The following CCSER1 variants were observed in gnomAD, a reference collection of about 807,000 sequenced individuals.
The protein encoded by CCSER1 is coiled-coil serine rich protein 1, also known as serine-rich coiled-coil domain-containing protein 1.
Under a neutral mutation model 82.0 loss-of-function variants are expected in CCSER1, and 41 were observed. The observed-to-expected ratio is 0.50, with a 90% CI of 0.39 to 0.65. The LOEUF (loss-of-function observed/expected upper bound fraction) is 0.65, where lower values mean the gene tolerates loss of function less well. CCSER1 is among the 30% of genes least tolerant of loss of function. CCSER1 has a pLI of 0.00. For synonymous variants in CCSER1, 414 were observed against 383.9 expected (o/e 1.08, Z -0.92); for missense variants, 1,119 against 1,064.2 (o/e 1.05, Z -0.72).
intron 9 of CCSER1, among the ~76,000 whole-genome samples, chr4:90,988,776 G>C (rs554371549): frequency 6.6e-6 from 1 of 151,550 alleles, no homozygotes; most frequent in African/African-American, 2.4e-5. Context: ...CTTATTTTAA[G>C]CTTTGATAAT....
At chr4:90,574,607 A>G (rs1780526007) in intron 5 of CCSER1, among the ~76,000 whole-genome samples, 1 of 151,974 alleles carries the variant, frequency 6.6e-6, no homozygotes, top group Admixed American at 6.6e-5. Context: ...GTAGGGTGTT[A>G]TCAGCATTGT....
At chr4:90,402,874 G>A (rs1753087748) in intron 4 of CCSER1, among the ~76,000 whole-genome samples, 1 of 152,126 alleles carries the variant, frequency 6.6e-6, no homozygotes, top group Non-Finnish European at 1.5e-5. Context: ...TGAATCTCTT[G>A]AGTCTACTTT....
At chr4:91,292,819 G>A (rs1401981671) in intron 10 of CCSER1, among the ~76,000 whole-genome samples, 1 of 151,908 alleles carries the variant, frequency 6.6e-6, no homozygotes, top group Non-Finnish European at 1.5e-5. Flanking sequence ...TGGAAATGAA[G>A]GTATTGGTTA....
chr4:90,516,037 A>G (rs1772214434), intron 5 of CCSER1, among the ~76,000 whole-genome samples: 1 of 152,216 alleles, frequency 6.6e-6, no homozygotes, highest in Non-Finnish European at 1.5e-5. Flanking sequence ...AAACAGAAAT[A>G]TAATTTGCAC....
chr4:90,724,094 T>C, intron 7 of CCSER1, 103 bp downstream of exon 7: 1 of 617,074 alleles, frequency 1.6e-6, no homozygotes. Flanking sequence ...TGCTTTAATC[T>C]TCAAGGGTCT....
At chr4:90,538,668 G>C (rs535571880) in intron 5 of CCSER1, among the ~76,000 whole-genome samples, 2 of 151,932 alleles carry the variant, frequency 1.3e-5, no homozygotes, top group South Asian at 4.2e-4. Context: ...TAATATTCTA[G>C]CATGTTTATA....
chr4:90,229,507 T>C (rs558435626), intron 1 of CCSER1, among the ~76,000 whole-genome samples: 1 of 152,250 alleles, frequency 6.6e-6, no homozygotes, highest in South Asian at 2.1e-4. Context: ...TACCAGCCGC[T>C]GCAAAATCAT....
intron 5 of CCSER1, among the ~76,000 whole-genome samples, chr4:90,482,504 C>T (rs1466214134): frequency 6.6e-6 from 1 of 152,150 alleles, no homozygotes; most frequent in African/African-American, 2.4e-5. Flanking sequence ...CTCTTGTGGG[C>T]ATTTAGTGCT....
intron 1 of CCSER1, among the ~76,000 whole-genome samples, chr4:90,156,659 G>A (rs1728259182): frequency 6.6e-6 from 1 of 151,968 alleles, no homozygotes; most frequent in Non-Finnish European, 1.5e-5. Context: ...ATCTTTGTTG[G>A]TTTAAAGTCT....
chr4:90,160,450 A>G (rs769865540), intron 1 of CCSER1, among the ~76,000 whole-genome samples: 1 of 152,214 alleles, frequency 6.6e-6, no homozygotes, highest in Non-Finnish European at 1.5e-5. Flanking sequence ...GAGGACTATC[A>G]GGAGATTTCA....
intron 1 of CCSER1, among the ~76,000 whole-genome samples, chr4:90,225,231 ATTTTTTTTTTTTTT>A (rs57188209): frequency 5.5e-4 from 62 of 111,870 alleles, no homozygotes; most frequent in Non-Finnish European, 1.0e-3. Context: ...TACCCGGCTA[ATTTTTTTTTTTTTT>A]TTTTTTTTTT....
intron 9 of CCSER1, among the ~76,000 whole-genome samples, chr4:91,031,057 A>G (rs541651212): frequency 1.7e-3 from 264 of 152,240 alleles, no homozygotes; most frequent in African/African-American, 6.0e-3. Flanking sequence ...GCAAAAGCAT[A>G]TTTCTATGTG....
At chr4:90,706,333 C>G (rs1019437195) in intron 6 of CCSER1, among the ~76,000 whole-genome samples, 2 of 152,248 alleles carry the variant, frequency 1.3e-5, no homozygotes, top group African/African-American at 2.4e-5. Flanking sequence ...GTAATCCCAG[C>G]ACTTTTGGAG....
intron 5 of CCSER1, among the ~76,000 whole-genome samples, chr4:90,491,765 T>A (rs1026168294): frequency 2.6e-5 from 4 of 152,204 alleles, no homozygotes; most frequent in Non-Finnish European, 5.9e-5. Flanking sequence ...TCTGCATCTA[T>A]TGAGATAATC....
At chr4:90,752,691 A>G (rs186408739) in intron 7 of CCSER1, among the ~76,000 whole-genome samples, 27 of 152,164 alleles carry the variant, frequency 1.8e-4, no homozygotes, top group African/African-American at 6.5e-4. Context: ...TTCTCCAGAT[A>G]TACTCATTTC....
intron 10 of CCSER1, among the ~76,000 whole-genome samples, chr4:91,408,004 C>G (rs1008694143): frequency 6.6e-6 from 1 of 151,998 alleles, no homozygotes; most frequent in Non-Finnish European, 1.5e-5. Flanking sequence ...GCACTTCCGG[C>G]TTGCTCAGCC....
intron 5 of CCSER1, among the ~76,000 whole-genome samples, chr4:90,567,807 A>G (rs1779589105): frequency 6.6e-6 from 1 of 151,718 alleles, no homozygotes; most frequent in Non-Finnish European, 1.5e-5. Context: ...GAGTTTTACT[A>G]TGCTGCCTAA....
intron 4 of CCSER1, among the ~76,000 whole-genome samples, chr4:90,453,188 C>T (rs1053681341): frequency 1.3e-5 from 2 of 152,096 alleles, no homozygotes; most frequent in African/African-American, 4.8e-5. Flanking sequence ...CAAACAAATA[C>T]TGGGAGTTGA....
At chr4:90,404,302 CA>C (rs1280716695) in intron 4 of CCSER1, among the ~76,000 whole-genome samples, 5 of 152,126 alleles carry the variant, frequency 3.3e-5, no homozygotes, top group African/African-American at 1.2e-4. Context: ...CCACAAAAGT[CA>C]CAGCAAGACC....
Sources: gnomAD v4.1 joint callset for allele counts (sites outside exome capture counted in the v4.1 genomes callset) on GRCh38, gnomAD v4.1.1 for gene constraint, MANE v1.5 for transcripts, NCBI Gene and HGNC (gene_info 2026-07-23, HGNC 2026-07-21) for gene names.